The following LRBA variants were observed in gnomAD, a reference collection of about 807,000 sequenced individuals.
LRBA encodes the protein lipopolysaccharide-responsive and beige-like anchor protein.
Under a neutral mutation model 330.0 loss-of-function variants are expected in LRBA, and 176 were observed. The observed-to-expected ratio is 0.53, with a 90% CI of 0.47 to 0.60. LRBA has a LOEUF of 0.60. LRBA is among the 20% of genes least tolerant of loss of function. The probability of loss-of-function intolerance (pLI) is 0.00; values close to 1 mark genes in which losing one functional copy is unlikely to be tolerated. For synonymous variants in LRBA, 1,230 were observed against 1,193.0 expected, an observed-to-expected ratio of 1.03 and a Z score of -0.64; for missense variants, 3,259 against 3,444.8, an observed-to-expected ratio of 0.95 and a Z score of 1.35.
intron 44 of LRBA, among the ~76,000 whole-genome samples, chr4:150,458,797 T>TA (rs5862919): frequency 8.2e-5 from 12 of 146,312 alleles, no homozygotes; most frequent in Middle Eastern, 3.5e-3. Context: ...TTTTTTTTTT[T>TA]AAAAAAACAC....
chr4:150,313,581 C>T (rs1731336576), intron 51 of LRBA, among the ~76,000 whole-genome samples: 1 of 151,888 alleles, frequency 6.6e-6, no homozygotes, highest in African/African-American at 2.4e-5. Context: ...CCTGCCCATG[C>T]CTGATTTTGT....
intron 47 of LRBA, among the ~76,000 whole-genome samples, chr4:150,403,699 G>T (rs1165022848): frequency 6.6e-6 from 1 of 151,944 alleles, no homozygotes; most frequent in Non-Finnish European, 1.5e-5. Flanking sequence ...CTTAAAGAAA[G>T]AAATTATGAA....
intron 30 of LRBA, among the ~76,000 whole-genome samples, chr4:150,825,719 T>C (rs1039356080): frequency 1.3e-5 from 2 of 152,186 alleles, no homozygotes; most frequent in Admixed American, 6.5e-5. Context: ...TCATGTTTAC[T>C]GCAATATTAT....
At chr4:150,318,516 T>C (rs1278493338) in intron 50 of LRBA, among the ~76,000 whole-genome samples, 1 of 152,144 alleles carries the variant, frequency 6.6e-6, no homozygotes, top group Non-Finnish European at 1.5e-5. Context: ...TTTTGATGTT[T>C]GTTTTAAATC....
chr4:150,660,857 A>G (rs539262453), intron 37 of LRBA, among the ~76,000 whole-genome samples: 1 of 118,418 alleles, frequency 8.4e-6, no homozygotes, highest in Admixed American at 8.7e-5. Flanking sequence ...TGTTAAACAG[A>G]TGCTTGAAGG....
intron 43 of LRBA, among the ~76,000 whole-genome samples, chr4:150,469,073 T>C (rs1287559507): frequency 1.3e-5 from 2 of 152,072 alleles, no homozygotes; most frequent in Non-Finnish European, 2.9e-5. Flanking sequence ...CTCCTTCTGA[T>C]TTAAATGTTG....
chr4:150,534,540 C>A (rs889865364), intron 40 of LRBA, among the ~76,000 whole-genome samples: 1 of 151,848 alleles, frequency 6.6e-6, no homozygotes, highest in Admixed American at 6.6e-5. Context: ...ATGTTCTCCA[C>A]AAATAATCCT....
At chr4:150,730,109 C>T (rs1456507654) in intron 36 of LRBA, among the ~76,000 whole-genome samples, 1 of 152,124 alleles carries the variant, frequency 6.6e-6, no homozygotes, top group Non-Finnish European at 1.5e-5. Context: ...AGTAATACCC[C>T]ATAGTCACAA....
intron 47 of LRBA, among the ~76,000 whole-genome samples, chr4:150,373,304 T>G (rs552832162): frequency 1.3e-5 from 2 of 152,174 alleles, no homozygotes; most frequent in African/African-American, 4.8e-5. Flanking sequence ...AGCTGTTGTA[T>G]TTTTGAGTAA....
At chr4:150,781,568 G>A (rs1738231457) in intron 34 of LRBA, among the ~76,000 whole-genome samples, 1 of 152,218 alleles carries the variant, frequency 6.6e-6, no homozygotes, top group Non-Finnish European at 1.5e-5. Flanking sequence ...TGTGGCCCAG[G>A]AGTTGGGGAC....
chr4:150,455,652 C>T (rs1387062159), intron 44 of LRBA, among the ~76,000 whole-genome samples: 3 of 152,032 alleles, frequency 2.0e-5, no homozygotes, highest in Non-Finnish European at 4.4e-5. Context: ...AAGCATTTAT[C>T]CCTTGTGTTA....
chr4:150,286,844 T>C (rs900882744), intron 53 of LRBA, among the ~76,000 whole-genome samples: 4 of 152,198 alleles, frequency 2.6e-5, no homozygotes, highest in African/African-American at 7.2e-5. Flanking sequence ...AAGGAACCCA[T>C]CATGACTAAG....
chr4:150,625,801 C>G (rs1440885589), intron 37 of LRBA, among the ~76,000 whole-genome samples: 2 of 151,702 alleles, frequency 1.3e-5, no homozygotes, highest in Non-Finnish European at 2.9e-5. Context: ...CCTCCACCTC[C>G]CGGGTTAGAG....
At chr4:150,322,170 T>C (rs1052024326) in intron 49 of LRBA, among the ~76,000 whole-genome samples, 1 of 152,200 alleles carries the variant, frequency 6.6e-6, no homozygotes, top group Non-Finnish European at 1.5e-5. Flanking sequence ...AAGACTTTTT[T>C]GATTTCTCCT....
intron 2 of LRBA, among the ~76,000 whole-genome samples, chr4:150,933,588 A>G (rs554776521): frequency 1.3e-5 from 2 of 152,294 alleles, no homozygotes; most frequent in East Asian, 1.9e-4. Context: ...AATGAACTAA[A>G]TATCGATTGT....
intron 46 of LRBA, among the ~76,000 whole-genome samples, chr4:150,432,583 G>T (rs1419098650): frequency 6.7e-6 from 1 of 149,226 alleles, no homozygotes; most frequent in Non-Finnish European, 1.5e-5. Flanking sequence ...TCAGCCTCCC[G>T]AGTAGCTGGG....
chr4:150,697,017 A>C (rs1480947499), intron 36 of LRBA, among the ~76,000 whole-genome samples: 1 of 151,122 alleles, frequency 6.6e-6, no homozygotes, highest in Admixed American at 6.6e-5. Flanking sequence ...TGCCTCAAAA[A>C]AGTAAAAAGA....
intron 35 of LRBA, among the ~76,000 whole-genome samples, chr4:150,742,147 A>T (rs2897706): frequency 0.81 from 113,102 of 140,060 alleles, 45,629 homozygotes; most frequent in Non-Finnish European, 0.91. Context: ...TATTATTATT[A>T]TTATTTTTTT....
At position 150,656,196 on chromosome 4, in the gene LRBA, T is replaced by C. The variant is rs1008398831; in HGVS notation, c.5921+27355A>G. Among the ~76,000 whole-genome samples the C allele has an allele frequency of 2.0e-5, 3 of 152,242 alleles. No homozygotes were observed. In the South Asian group the frequency reaches 6.2e-4, roughly 32 times the overall value. The stretch of plus-strand genomic sequence containing the variant: ...TTCCAACTTCTATGTTTGCTTGTTT[T>C]TGGTGTTGCTTTCATTTTGTTAGGC... On this transcript the variant is annotated intron_variant, in intron 37 of 56. Coordinates refer to ENST00000651943, the MANE Select transcript of LRBA (RefSeq NM_001364905.1).
Sources: gnomAD v4.1 joint callset for allele counts (sites outside exome capture counted in the v4.1 genomes callset) on GRCh38, gnomAD v4.1.1 for gene constraint, MANE v1.5 for transcripts, NCBI Gene and HGNC (gene_info 2026-07-23, HGNC 2026-07-21) for gene names.